FRAS1: variants seen among roughly 807,000 people sequenced by gnomAD.
FRAS1 encodes the protein Fraser extracellular matrix complex subunit 1.
In FRAS1, 290 loss-of-function variants were observed where a neutral mutation model predicts 435.2. The observed-to-expected ratio is 0.67, with a 90% CI of 0.61 to 0.73. FRAS1 has a LOEUF of 0.73. Ranked by LOEUF, FRAS1 falls within the 30% of genes least tolerant of loss-of-function variation. FRAS1 has a pLI of 0.00. For missense variants in FRAS1, 4,860 were observed against 5,001.5 expected, an observed-to-expected ratio of 0.97 and a Z score of 0.85; for synonymous variants, 1,800 against 1,851.0, an observed-to-expected ratio of 0.97 and a Z score of 0.71.
chr4:78,247,116 C>A (rs1357243140), intron 4 of FRAS1, among the ~76,000 whole-genome samples: 2 of 152,106 alleles, frequency 1.3e-5, no homozygotes, highest in Non-Finnish European at 2.9e-5. Flanking sequence ...GCTCTGGGAC[C>A]ACAGATCTGC....
chr4:78,076,837 A>T (rs1740661527), intron 2 of FRAS1, among the ~76,000 whole-genome samples: 1 of 152,194 alleles, frequency 6.6e-6, no homozygotes, highest in South Asian at 2.1e-4. Context: ...ACTTTAGAGG[A>T]ATCAAACTGT....
At chr4:78,243,592 A>G (rs1391648996) in intron 3 of FRAS1, among the ~76,000 whole-genome samples, 1 of 152,132 alleles carries the variant, frequency 6.6e-6, no homozygotes, top group Non-Finnish European at 1.5e-5. Context: ...ATGTTCCACC[A>G]GAAATTCAAT....
At chr4:78,294,350 A>T (rs1728046337) in intron 14 of FRAS1, among the ~76,000 whole-genome samples, 7 of 152,218 alleles carry the variant, frequency 4.6e-5, no homozygotes, top group Admixed American at 4.6e-4. Flanking sequence ...AACAGGGGCC[A>T]CTGGGTGTAG....
chr4:78,134,045 C>T (rs1248121686), intron 2 of FRAS1, among the ~76,000 whole-genome samples: 2 of 151,326 alleles, frequency 1.3e-5, no homozygotes, highest in East Asian at 3.9e-4. Context: ...CTGCAAGCTC[C>T]ACCTCCCGGG....
At chr4:78,476,416 A>G (rs1463759393) in intron 54 of FRAS1, among the ~76,000 whole-genome samples, 4 of 140,692 alleles carry the variant, frequency 2.8e-5, no homozygotes, top group African/African-American at 1.0e-4. Context: ...GTCAACAAAT[A>G]CAGGGCCCCA....
intron 1 of FRAS1, among the ~76,000 whole-genome samples, chr4:78,061,671 A>G (rs1739766845): frequency 1.3e-5 from 2 of 152,222 alleles, no homozygotes; most frequent in Non-Finnish European, 1.5e-5. Context: ...TTGAAACTCA[A>G]TAACTCAATG....
At chr4:78,362,942 A>T (rs1163110949) in intron 20 of FRAS1, among the ~76,000 whole-genome samples, 1 of 152,192 alleles carries the variant, frequency 6.6e-6, no homozygotes, top group East Asian at 1.9e-4. Context: ...GTAAAAAGGC[A>T]TGATTCAGAA....
At chr4:78,181,787 C>G (rs1371804401) in intron 2 of FRAS1, 8 of 1,611,680 alleles carry the variant, frequency 5.0e-6, no homozygotes, top group Non-Finnish European at 6.8e-6. Flanking sequence ...GTCAACCACG[C>G]CAACGCTGCG....
At chr4:78,247,869 C>T (rs1291073730) in intron 4 of FRAS1, among the ~76,000 whole-genome samples, 2 of 152,102 alleles carry the variant, frequency 1.3e-5, no homozygotes, top group African/African-American at 2.4e-5. Flanking sequence ...AAGCTTTCCC[C>T]TAAGACAGAT....
chr4:78,374,849 C>T (rs1056437898), intron 25 of FRAS1, among the ~76,000 whole-genome samples: 2 of 152,178 alleles, frequency 1.3e-5, no homozygotes, highest in African/African-American at 4.8e-5. Flanking sequence ...ATAGCATTTA[C>T]ATATCACTAA....
intron 61 of FRAS1, among the ~76,000 whole-genome samples, chr4:78,506,886 G>A (rs62310274): frequency 0.33 from 49,814 of 151,736 alleles, 8,863 homozygotes; most frequent in South Asian, 0.52. Flanking sequence ...ATCTTGGAAC[G>A]GTACCCAAAG....
chr4:78,267,734 G>A (rs569579125), intron 9 of FRAS1, among the ~76,000 whole-genome samples: 110 of 152,332 alleles, frequency 7.2e-4, no homozygotes, highest in Non-Finnish European at 1.2e-3. Flanking sequence ...ATCAGGCAGC[G>A]CAGCTGGATC....
At chr4:78,400,254 C>T (rs969938164) in intron 29 of FRAS1, among the ~76,000 whole-genome samples, 4 of 152,204 alleles carry the variant, frequency 2.6e-5, no homozygotes, top group African/African-American at 9.7e-5. Flanking sequence ...GCTCAAGCTT[C>T]TTATAGAGCA....
chr4:78,290,413 T>C (rs966187704), intron 14 of FRAS1, among the ~76,000 whole-genome samples: 1 of 152,024 alleles, frequency 6.6e-6, no homozygotes, highest in Non-Finnish European at 1.5e-5. Context: ...ACCCTGGAGC[T>C]AAACCACCTG....
chr4:78,326,271 A>G (rs1249166304), intron 18 of FRAS1, among the ~76,000 whole-genome samples: 1 of 152,158 alleles, frequency 6.6e-6, no homozygotes, highest in Non-Finnish European at 1.5e-5. Flanking sequence ...GGGCTGTGGG[A>G]AGGTGGGATA....
intron 26 of FRAS1, 32 bp from the exon 27 acceptor site, chr4:78,379,693 TA>T: frequency 6.3e-7 from 1 of 1,589,758 alleles, no homozygotes; most frequent in Non-Finnish European, 8.5e-7. Flanking sequence ...GAAGGTACCA[TA>T]AGCTTGACCT....
intron 14 of FRAS1, among the ~76,000 whole-genome samples, chr4:78,301,609 C>T (rs1311131376): frequency 6.6e-6 from 1 of 152,150 alleles, no homozygotes; most frequent in East Asian, 1.9e-4. Flanking sequence ...GGGAATCCCT[C>T]CTCAGCTGAT....
At chr4:78,286,355 CA>C in intron 13 of FRAS1, 49 bp from the exon 14 acceptor site, 2 of 1,609,008 alleles carry the variant, frequency 1.2e-6, no homozygotes, top group Non-Finnish European at 1.7e-6. Flanking sequence ...TGGTGTCTTT[CA>C]GCTAATCAAA....
rs1360495736 is a variant in FRAS1, at chr4:78,413,033, C to T, written c.4373C>T (p.Pro1458Leu). ...ESHMFNIAIL[P>L]QTPEAPKVSL... ...CACATGTTCAACATCGCGATCTTACCACAGACACCTGAAGCACCTAAAGTG... is the reference window on the plus strand; with the variant it reads ...CACATGTTCAACATCGCGATCTTACTACAGACACCTGAAGCACCTAAAGTG... Residue 1458 changes from proline to leucine, a missense_variant, in exon 32 of 74, where the codon CCA becomes CTA. By Grantham distance (98) the Pro-to-Leu change is moderately conservative (BLOSUM62 -3). Coordinates refer to ENST00000512123, the MANE Select transcript of FRAS1 (RefSeq NM_025074.7). The T allele has an allele frequency of 6.2e-7, 1 of 1,611,312 alleles. No homozygotes were observed. Among genetic ancestry groups the T allele is most frequent in the South Asian group, 1.1e-5 (1 of 90,388 alleles).
Sources: gnomAD v4.1 joint callset for allele counts (sites outside exome capture counted in the v4.1 genomes callset) on GRCh38, gnomAD v4.1.1 for gene constraint, MANE v1.5 for transcripts, NCBI Gene and HGNC (gene_info 2026-07-23, HGNC 2026-07-21) for gene names.